Variants in TTC34 observed in about 807,000 individuals in gnomAD.
The protein encoded by TTC34 is tetratricopeptide repeat domain 34.
TTC34 carries 44 observed loss-of-function variants against 40.7 expected under a neutral mutation model. The ratio of observed to expected loss-of-function variants is 1.08; its 90% CI spans 0.85 to 1.39. The LOEUF (loss-of-function observed/expected upper bound fraction) is 1.39, where lower values mean the gene tolerates loss of function less well. Among genes scored for constraint, TTC34 ranks in the 40% most tolerant of loss-of-function variants. The probability of loss-of-function intolerance (pLI) is 0.00; values close to 1 mark genes in which losing one functional copy is unlikely to be tolerated. For missense variants in TTC34, 884 were observed against 838.0 expected (o/e 1.05, Z -0.68); for synonymous variants, 422 against 398.6 (o/e 1.06, Z -0.70).
At chr1:2,767,261 A>C (rs1641792496) in intron 6 of TTC34, among the ~76,000 whole-genome samples, 1 of 30,784 alleles carries the variant, frequency 3.2e-5, no homozygotes, top group Admixed American at 4.0e-4. Context: ...AGCATCTGAC[A>C]GCCTGGAGCA....
intron 6 of TTC34, among the ~76,000 whole-genome samples, chr1:2,750,152 CAG>C (rs1641267701): frequency 6.6e-6 from 1 of 151,034 alleles, no homozygotes; most frequent in Admixed American, 6.6e-5. Context: ...CAGCGTGGAG[CAG>C]AACAAACACC....
intron 6 of TTC34, among the ~76,000 whole-genome samples, chr1:2,691,710 G>T (rs1418547362): frequency 1.1e-5 from 1 of 94,522 alleles, no homozygotes; most frequent in South Asian, 2.9e-4. Context: ...ACATCCCCAG[G>T]TGAGCATTGG....
intron 6 of TTC34, among the ~76,000 whole-genome samples, chr1:2,747,607 C>CAT: frequency 7.0e-6 from 1 of 142,300 alleles, no homozygotes; most frequent in African/African-American, 2.7e-5. Flanking sequence ...CCCAGGTGAG[C>CAT]CTCTGACAGC....
chr1:2,691,755 C>G (rs1316922209), intron 6 of TTC34, among the ~76,000 whole-genome samples: 1 of 99,830 alleles, frequency 1.0e-5, no homozygotes, highest in African/African-American at 3.3e-5. Flanking sequence ...CCCAGGCAAG[C>G]ATCTGAACGC....
At chr1:2,750,705 C>G (rs1641290352) in intron 6 of TTC34, among the ~76,000 whole-genome samples, 2 of 126,452 alleles carry the variant, frequency 1.6e-5, no homozygotes, top group Non-Finnish European at 3.3e-5. Context: ...GAGCATCCGA[C>G]AGCCTGGAGC....
intron 2 of TTC34, among the ~76,000 whole-genome samples, chr1:2,799,155 C>T (rs115586403): frequency 0.017 from 2,593 of 151,866 alleles, 36 homozygotes; most frequent in Middle Eastern, 0.037. Flanking sequence ...CCTAGCCTCC[C>T]GGCCCCCCAG....
rs780136254 is a variant in TTC34, at chr1:2,787,648, C to T, written c.1687G>A (p.Glu563Lys). 8.5e-5 allele frequency: 131 copies of T among 1,549,748 alleles called. 1 individual carries two copies. Among genetic ancestry groups the T allele is most frequent in the East Asian group, 2.4e-4 (10 of 40,930 alleles). The change falls in exon 4 of 9, where the codon GAG becomes AAG. Residue 563 changes from glutamate to lysine, a missense_variant. Glu to Lys is a moderately conservative substitution (Grantham distance 56, BLOSUM62 1). Transcript: ENST00000401095. ...TCAGCCGCCAGGAGGCGAGAGGCCT[C>T]GTCCTCTGAATCCAGCTCCATCAGC...
intron 8 of TTC34, among the ~76,000 whole-genome samples, chr1:2,644,037 ACTT>A: frequency 6.6e-6 from 1 of 152,304 alleles, no homozygotes; most frequent in East Asian, 1.9e-4. Context: ...TGTGGCTTAT[ACTT>A]CCCATACAAA....
chr1:2,666,013 C>A (rs1320372269), intron 6 of TTC34, among the ~76,000 whole-genome samples: 2 of 48,482 alleles, frequency 4.1e-5, no homozygotes, highest in Non-Finnish European at 5.0e-5. Flanking sequence ...CCCACATCAC[C>A]GGGTGAGCAT....
At chr1:2,767,469 A>G (rs1641803451) in intron 6 of TTC34, among the ~76,000 whole-genome samples, 1 of 148,324 alleles carries the variant, frequency 6.7e-6, no homozygotes, top group Admixed American at 6.8e-5. Context: ...ACAGCCTGGA[A>G]CAGAATTCTC....
At chr1:2,779,841 C>T (rs1229849327) in intron 6 of TTC34, among the ~76,000 whole-genome samples, 1 of 152,176 alleles carries the variant, frequency 6.6e-6, no homozygotes, top group African/African-American at 2.4e-5. Flanking sequence ...TGGTGATGTC[C>T]AGCATCTTTT....
intron 6 of TTC34, among the ~76,000 whole-genome samples, chr1:2,697,802 TG>T (rs1640939048): frequency 9.7e-6 from 1 of 103,064 alleles, no homozygotes; most frequent in African/African-American, 3.6e-5. Context: ...AACAGCACCC[TG>T]CACCCCCGGG....
chr1:2,748,977 T>C (rs1641231757), intron 6 of TTC34, among the ~76,000 whole-genome samples: 1 of 81,278 alleles, frequency 1.2e-5, no homozygotes. Flanking sequence ...GGTGAGCATC[T>C]GACGGCCTGG....
intron 6 of TTC34, among the ~76,000 whole-genome samples, chr1:2,649,241 C>T (rs1172596818): frequency 1.3e-5 from 2 of 152,070 alleles, no homozygotes; most frequent in East Asian, 3.9e-4. Context: ...GGAACAGGAC[C>T]CCACAACCCC....
intron 6 of TTC34, among the ~76,000 whole-genome samples, chr1:2,655,246 A>AGTCTGCACC (rs1223946446): frequency 3.7e-5 from 4 of 106,960 alleles, no homozygotes; most frequent in Non-Finnish European, 5.5e-5. Flanking sequence ...CTGGAGCAGC[A>AGTCTGCACC]CGCACACCCC....
intron 6 of TTC34, among the ~76,000 whole-genome samples, chr1:2,758,449 A>G (rs1411621400): frequency 1.2e-5 from 1 of 83,950 alleles, no homozygotes; most frequent in Non-Finnish European, 2.1e-5. Flanking sequence ...CCAGGTGCGC[A>G]CATGACAGCC....
At chr1:2,655,327 G>A (rs796447458) in intron 6 of TTC34, among the ~76,000 whole-genome samples, 2 of 264 alleles carry the variant, frequency 7.6e-3, no homozygotes, top group Non-Finnish European at 0.02. Context: ...GGAACAGCAC[G>A]CTGCACCCCC....
chr1:2,690,220 C>CT (rs1640554448), intron 6 of TTC34, among the ~76,000 whole-genome samples: 3 of 140,518 alleles, frequency 2.1e-5, no homozygotes, highest in African/African-American at 2.8e-5. Context: ...GCACCCACAC[C>CT]CCAGGTGAGG....
intron 8 of TTC34, 104 bp downstream of exon 8, chr1:2,644,160 A>G: frequency 1.6e-6 from 2 of 1,221,178 alleles, no homozygotes; most frequent in Non-Finnish European, 2.3e-6. Context: ...AATCAACCCA[A>G]CCGCAGAGAG....
Sources: allele counts gnomAD v4.1 joint callset (sites outside exome capture counted in the v4.1 genomes callset), GRCh38; gene constraint gnomAD v4.1.1; transcripts MANE v1.5; gene names NCBI Gene and HGNC (gene_info 2026-07-23, HGNC 2026-07-21).